ANKRD22: variants seen among roughly 807,000 people sequenced by gnomAD.
ANKRD22 encodes ankyrin repeat domain 22.
ANKRD22 carries 24 observed loss-of-function variants against 25.7 expected under a neutral mutation model. The ratio of observed to expected loss-of-function variants is 0.93; its 90% CI spans 0.68 to 1.31. The LOEUF (loss-of-function observed/expected upper bound fraction) is 1.31. ANKRD22 is among the 50% of genes most tolerant of loss of function. The pLI, the probability that ANKRD22 is intolerant of heterozygous loss-of-function variation, is 0.00. For missense variants in ANKRD22, 214 were observed against 227.1 expected (o/e 0.94, Z 0.37); for synonymous variants, 84 against 84.3 (o/e 1.00, Z 0.02).
chr10:88,851,022 C>G (rs1361874101), intron 1 of ANKRD22, among the ~76,000 whole-genome samples: 1 of 152,012 alleles, frequency 6.6e-6, no homozygotes, highest in East Asian at 1.9e-4. Flanking sequence ...TAAGTTACTT[C>G]CAATACAAGT....
Position 88,842,640 on chromosome 10 carries a change from G to A in ANKRD22, c.21+8947C>T, listed in dbSNP as rs2133080100. 2.0e-5 allele frequency among the ~76,000 whole-genome samples: 3 copies of A among 152,228 alleles called. No individual in the cohort carries two copies. The South Asian group carries it at 6.2e-4, about 32-fold the overall frequency. On this transcript the variant is annotated intron_variant, in intron 1 of 5. Coordinates refer to ENST00000371930, the MANE Select transcript of ANKRD22 (RefSeq NM_144590.3). ...TAGCATTCATCACATTCTGTATCAT[G>A]TTATACGACAAACCTTCCCAAGCAT...
intron 2 of ANKRD22, 72 bp downstream of exon 2, chr10:88,831,763 C>T (rs1843905298): frequency 7.0e-7 from 1 of 1,419,508 alleles, no homozygotes; most frequent in Non-Finnish European, 9.4e-7. Context: ...ATGACATGCA[C>T]CACTTCTAGT....
chr10:88,832,096 T>G, intron 1 of ANKRD22, 70 bp from the exon 2 acceptor site: 1 of 1,423,940 alleles, frequency 7.0e-7, no homozygotes, highest in Non-Finnish European at 9.5e-7. Context: ...GAAAAAAAAG[T>G]CATAACCCAA....
At chr10:88,828,472 T>G (rs1305952173) in intron 3 of ANKRD22, 87 bp downstream of exon 3, 10 of 1,029,456 alleles carry the variant, frequency 9.7e-6, no homozygotes. Context: ...TTTATTTCTT[T>G]TCAACATCTC....
intron 1 of ANKRD22, among the ~76,000 whole-genome samples, chr10:88,840,948 A>G (rs1277786331): frequency 1.3e-5 from 2 of 152,120 alleles, no homozygotes; most frequent in East Asian, 1.9e-4. Flanking sequence ...TGTAACATGG[A>G]GGAAGGTCCC....
At position 88,850,537 on chromosome 10, in the gene ANKRD22, T is replaced by C. The variant is rs185028607; in HGVS notation, c.21+1050A>G. ...AAAAGTATACTTTTGTATCCTACCATAGACTGAGTGAAACAGACTCTCTGG... is the reference window on the plus strand; with the variant it reads ...AAAAGTATACTTTTGTATCCTACCACAGACTGAGTGAAACAGACTCTCTGG... On this transcript the variant is annotated intron_variant, in intron 1 of 5. Coordinates refer to ENST00000371930, the MANE Select transcript of ANKRD22 (RefSeq NM_144590.3). Among the ~76,000 whole-genome samples the C allele has an allele frequency of 1.4e-3, 207 of 152,270 alleles. 3 individuals are homozygous for C. The highest frequency in any genetic ancestry group is 4.9e-3 in the African/African-American group (202 of 41,564).
In ANKRD22 at chr10:88,820,372, T is replaced by C. The variant is rs772092829; in HGVS notation, c.*2569A>G. ...CCAACCTCATCTACCATAAGAATAT[T>C]CCTGAATGGGCTCACGTGGATTTCA... On this transcript the variant is annotated 3_prime_UTR_variant, in exon 6 of 6. Transcript: ENST00000371930. 3.0e-5 allele frequency: 46 copies of C among 1,552,176 alleles called. No individual in the cohort carries two copies. The highest frequency in any genetic ancestry group is 3.7e-5 in the Non-Finnish European group (43 of 1,147,148).
At chr10:88,828,984 G>A (rs11202866) in intron 2 of ANKRD22, among the ~76,000 whole-genome samples, 3 of 152,096 alleles carry the variant, frequency 2.0e-5, no homozygotes, top group Non-Finnish European at 4.4e-5. Flanking sequence ...TATAAACTTA[G>A]GACTGAATTT....
rs372411272 is a variant in ANKRD22, at chr10:88,832,033, C to T, written c.22-7G>A. 1.8e-5 allele frequency: 29 copies of T among 1,581,162 alleles called. No individual in the cohort carries two copies. Among genetic ancestry groups the T allele is most frequent in the East Asian group, 4.5e-5 (2 of 44,354 alleles). On this transcript the variant is annotated splice_polypyrimidine_tract_variant and splice_region_variant and intron_variant, in intron 1 of 5. Coordinates refer to ENST00000371930, the MANE Select transcript of ANKRD22 (RefSeq NM_144590.3). ...AGGCTGCTTGGCAGATGGGCTGGGTCGGGAAAAACAAAAGCAGGTTTTGAA... is the reference window on the plus strand; with the variant it reads ...AGGCTGCTTGGCAGATGGGCTGGGTTGGGAAAAACAAAAGCAGGTTTTGAA...
intron 2 of ANKRD22, among the ~76,000 whole-genome samples, chr10:88,830,825 T>C (rs1564603632): frequency 6.6e-6 from 1 of 152,248 alleles, no homozygotes; most frequent in Non-Finnish European, 1.5e-5. Flanking sequence ...ATCTGTCTTC[T>C]GGCACTACCA....
intron 1 of ANKRD22, among the ~76,000 whole-genome samples, chr10:88,839,161 T>C (rs1375788870): frequency 6.6e-6 from 1 of 152,160 alleles, no homozygotes; most frequent in Admixed American, 6.5e-5. Context: ...ATGGCGGGCT[T>C]CCTGCTAGGC....
chr10:88,828,141 G>C (rs931169286), intron 3 of ANKRD22, among the ~76,000 whole-genome samples: 1 of 152,030 alleles, frequency 6.6e-6, no homozygotes, highest in Non-Finnish European at 1.5e-5. Context: ...CAAACTTTTA[G>C]GATCTGTTTT....
chr10:88,820,621 C>T lies in ANKRD22; in HGVS notation c.*2320G>A, dbSNP rs1038009884. On this transcript the variant is annotated 3_prime_UTR_variant, in exon 6 of 6. Transcript: ENST00000371930. ...TTTTTCAGATTCCCTGCACTTGGCA[C>T]TAAATCCGACACTTACATTTACATT... is the stretch of plus-strand genomic sequence containing the variant. The T allele has an allele frequency of 1.1e-6, 1 of 921,870 alleles. No individual in the cohort carries two copies. The allele number at this position is 921,870 out of a possible 1,614,324, so 57.1% of individuals were successfully genotyped here.
chr10:88,840,447 G>C (rs1236255738), intron 1 of ANKRD22, among the ~76,000 whole-genome samples: 2 of 152,126 alleles, frequency 1.3e-5, no homozygotes, highest in African/African-American at 4.8e-5. Flanking sequence ...TAAAAGCAAA[G>C]CTTCCCCCAA....
At chr10:88,840,643 T>G (rs72807395) in intron 1 of ANKRD22, among the ~76,000 whole-genome samples, 4,471 of 152,220 alleles carry the variant, frequency 0.029, 90 homozygotes, top group Middle Eastern at 0.11. Flanking sequence ...TGAGAAGGAT[T>G]TGTAGGTTTT....
intron 1 of ANKRD22, among the ~76,000 whole-genome samples, chr10:88,837,353 T>A (rs1843963691): frequency 6.6e-6 from 1 of 152,204 alleles, no homozygotes; most frequent in African/African-American, 2.4e-5. Flanking sequence ...TGTTAGCTAC[T>A]CTTATAATTA....
At chr10:88,825,566 C>A (rs1235523263) in intron 4 of ANKRD22, among the ~76,000 whole-genome samples, 1 of 152,220 alleles carries the variant, frequency 6.6e-6, no homozygotes, top group Non-Finnish European at 1.5e-5. Context: ...TTACTACATT[C>A]TGAGCATGTG....
chr10:88,834,928 C>CAA (rs202025175), intron 1 of ANKRD22, among the ~76,000 whole-genome samples: 1 of 149,438 alleles, frequency 6.7e-6, no homozygotes, highest in Non-Finnish European at 1.5e-5. Context: ...AACTCTGCCT[C>CAA]AAAAAAAGAA....
At chr10:88,844,853 TA>T (rs1294050469) in intron 1 of ANKRD22, among the ~76,000 whole-genome samples, 1 of 152,130 alleles carries the variant, frequency 6.6e-6, no homozygotes, top group Non-Finnish European at 1.5e-5. Context: ...TAAAATGACT[TA>T]TTTTTCCCCT....
Sources: gnomAD v4.1 joint callset for allele counts (sites outside exome capture counted in the v4.1 genomes callset) on GRCh38, gnomAD v4.1.1 for gene constraint, MANE v1.5 for transcripts, NCBI Gene and HGNC (gene_info 2026-07-23, HGNC 2026-07-21) for gene names.